Variants in CHST11 observed in about 807,000 individuals in gnomAD.
The protein encoded by CHST11 is C4S-1.
Under a neutral mutation model 30.4 loss-of-function variants are expected in CHST11, and 9 were observed. That is an observed-to-expected ratio of 0.30 (90% CI 0.18 to 0.52). CHST11 has a LOEUF of 0.52. CHST11 is among the 20% of genes least tolerant of loss of function. The pLI is 0.97. For missense variants in CHST11, 348 were observed against 460.6 expected, an observed-to-expected ratio of 0.76 and a Z score of 2.24; for synonymous variants, 152 against 187.8, an observed-to-expected ratio of 0.81 and a Z score of 1.56.
chr12:104,627,244 C>G (rs893832352), intron 2 of CHST11, among the ~76,000 whole-genome samples: 8 of 152,134 alleles, frequency 5.3e-5, no homozygotes, highest in African/African-American at 1.9e-4. Flanking sequence ...TCACCTACTG[C>G]AGGACATCTT....
intron 1 of CHST11, among the ~76,000 whole-genome samples, chr12:104,538,202 C>G (rs908237758): frequency 3.3e-5 from 5 of 152,134 alleles, no homozygotes; most frequent in Non-Finnish European, 2.9e-5. Context: ...CTCAGACATT[C>G]CTTATTTCGG....
chr12:104,618,250 G>T (rs1279764239), intron 2 of CHST11, among the ~76,000 whole-genome samples: 5 of 144,038 alleles, frequency 3.5e-5, no homozygotes, highest in Non-Finnish European at 6.0e-5. Context: ...TTAAAGCAGG[G>T]TGTTGCTCTG....
rs368503648 is a variant in CHST11 at position 104,478,074 on chromosome 12, C to A, written c.118+20545C>A. On this transcript the variant is annotated intron_variant, in intron 1 of 2. Transcript: ENST00000303694. ...GGCTCTCAAGTTTGGGAAGCAACCC[C>A]CCTAACAGGAAGTGGGGGTGGGAGA... Among the ~76,000 whole-genome samples the A allele has an allele frequency of 2.6e-5, 4 of 152,052 alleles. 1 individual carries two copies. The South Asian group carries it at 8.3e-4, about 32-fold the overall frequency.
At chr12:104,634,759 C>T (rs1376800525) in intron 2 of CHST11, among the ~76,000 whole-genome samples, 1 of 152,158 alleles carries the variant, frequency 6.6e-6, no homozygotes, top group African/African-American at 2.4e-5. Flanking sequence ...TTGCTTTTAA[C>T]CCAGGGCTAG....
intron 2 of CHST11, among the ~76,000 whole-genome samples, chr12:104,638,940 G>A (rs952831330): frequency 6.6e-6 from 1 of 152,238 alleles, no homozygotes; most frequent in Non-Finnish European, 1.5e-5. Context: ...CCCAAAAGCT[G>A]CGCATGTGGC....
intron 2 of CHST11, among the ~76,000 whole-genome samples, chr12:104,688,140 G>C (rs912635577): frequency 6.6e-6 from 1 of 152,228 alleles, no homozygotes; most frequent in Admixed American, 6.5e-5. Flanking sequence ...GGCTGTTGCA[G>C]CAGAGGAAAA....
At chr12:104,659,799 C>G (rs933569810) in intron 2 of CHST11, among the ~76,000 whole-genome samples, 5 of 149,834 alleles carry the variant, frequency 3.3e-5, no homozygotes, top group South Asian at 2.2e-4. Flanking sequence ...GACCCCCCCC[C>G]GCCCCCACCA....
At chr12:104,733,060 G>T (rs2040269859) in intron 2 of CHST11, among the ~76,000 whole-genome samples, 1 of 152,240 alleles carries the variant, frequency 6.6e-6, no homozygotes, top group African/African-American at 2.4e-5. Context: ...CTGAGGCCCA[G>T]ACCAGTGAGG....
chr12:104,597,545 C>G (rs915373940), intron 1 of CHST11, among the ~76,000 whole-genome samples: 4 of 152,214 alleles, frequency 2.6e-5, no homozygotes, highest in African/African-American at 9.7e-5. Flanking sequence ...CCAAACCTCT[C>G]TGATGCTCTT....
intron 1 of CHST11, among the ~76,000 whole-genome samples, chr12:104,470,332 C>A (rs963702223): frequency 4.6e-5 from 7 of 152,136 alleles, no homozygotes; most frequent in Non-Finnish European, 1.5e-5. Flanking sequence ...GCAGAAGGCA[C>A]CTCTTCACAG....
intron 1 of CHST11, among the ~76,000 whole-genome samples, chr12:104,533,885 G>A (rs767216045): frequency 5.9e-5 from 9 of 152,278 alleles, no homozygotes; most frequent in East Asian, 1.9e-4. Flanking sequence ...CTCATGTCCC[G>A]TTACAAAAAT....
chr12:104,725,662 C>G lies in CHST11; in HGVS notation c.205-31287C>G, dbSNP rs535411180. On this transcript the variant is annotated intron_variant, in intron 2 of 2. Transcript: ENST00000303694. ...CTCAGGACTCAGAAAAGTTCTAAGCCCCTAACTCAGGGGCACATAGGTCTT... is the reference window on the plus strand; with the variant it reads ...CTCAGGACTCAGAAAAGTTCTAAGCGCCTAACTCAGGGGCACATAGGTCTT... 1.5e-4 allele frequency among the ~76,000 whole-genome samples: 23 copies of G among 152,054 alleles called. No homozygotes were observed. In the South Asian group the frequency reaches 4.4e-3, roughly 29 times the overall value.
chr12:104,485,611 T>G (rs1459922643), intron 1 of CHST11, among the ~76,000 whole-genome samples: 1 of 152,140 alleles, frequency 6.6e-6, no homozygotes, highest in Non-Finnish European at 1.5e-5. Flanking sequence ...GCAGAAACAA[T>G]CGGTTTAGAC....
intron 1 of CHST11, among the ~76,000 whole-genome samples, chr12:104,496,510 G>GA (rs917870231): frequency 6.6e-6 from 1 of 152,116 alleles, no homozygotes; most frequent in Non-Finnish European, 1.5e-5. Flanking sequence ...AATTACATTA[G>GA]AAAAAAATCC....
chr12:104,692,122 C>A (rs1397274564), intron 2 of CHST11, among the ~76,000 whole-genome samples: 2 of 152,204 alleles, frequency 1.3e-5, no homozygotes, highest in African/African-American at 4.8e-5. Context: ...GAGTGGAGGA[C>A]CTGGTTCTAG....
chr12:104,653,503 A>C (rs1052386196), intron 2 of CHST11, among the ~76,000 whole-genome samples: 2 of 152,172 alleles, frequency 1.3e-5, no homozygotes, highest in African/African-American at 4.8e-5. Context: ...ATGTGTACTC[A>C]TGGAGGGGCA....
chr12:104,482,818 C>T (rs1844514840), intron 1 of CHST11, among the ~76,000 whole-genome samples: 2 of 152,130 alleles, frequency 1.3e-5, no homozygotes, highest in Admixed American at 1.3e-4. Flanking sequence ...CTGTGCATCC[C>T]CCCACTTAAG....
chr12:104,650,671 A>G (rs1467558564), intron 2 of CHST11, among the ~76,000 whole-genome samples: 4 of 152,254 alleles, frequency 2.6e-5, no homozygotes, highest in Admixed American at 2.6e-4. Context: ...AGAGGTGACC[A>G]GGCACCCATC....
chr12:104,475,658 TTATATATATATA>T (rs67453124), intron 1 of CHST11, among the ~76,000 whole-genome samples: 503 of 34,160 alleles, frequency 0.015, 35 homozygotes, highest in Admixed American at 0.04. Flanking sequence ...TAAAGCAGCA[TTATATATATATA>T]TATATATATA....
Sources: allele counts gnomAD v4.1 joint callset (sites outside exome capture counted in the v4.1 genomes callset), GRCh38; gene constraint gnomAD v4.1.1; transcripts MANE v1.5; gene names NCBI Gene and HGNC (gene_info 2026-07-23, HGNC 2026-07-21).